THSD7B: variants seen among roughly 807,000 people sequenced by gnomAD.
THSD7B encodes thrombospondin type 1 domain containing 7B, also known as thrombospondin type-1 domain-containing protein 7B.
THSD7B carries 138 observed loss-of-function variants against 213.6 expected under a neutral mutation model. The observed-to-expected ratio is 0.65, with a 90% confidence interval of 0.56 to 0.74. The LOEUF (loss-of-function observed/expected upper bound fraction) is 0.74, where lower values mean the gene tolerates loss of function less well. THSD7B is among the 30% of genes least tolerant of loss of function. The pLI, the probability that THSD7B is intolerant of heterozygous loss-of-function variation, is 0.00. For missense variants in THSD7B, 1,931 were observed against 1,991.5 expected, an observed-to-expected ratio of 0.97 and a Z score of 0.58; for synonymous variants, 742 against 687.0, an observed-to-expected ratio of 1.08 and a Z score of -1.25.
At chr2:137,087,159 A>G (rs1171040678) in intron 3 of THSD7B, among the ~76,000 whole-genome samples, 1 of 152,222 alleles carries the variant, frequency 6.6e-6, no homozygotes, top group Non-Finnish European at 1.5e-5. Flanking sequence ...AATATGTATA[A>G]CAAAAATATT....
In THSD7B at chr2:137,301,946, G is replaced by C. The variant is rs191070462; in HGVS notation, c.2500+25920G>C. Among the ~76,000 whole-genome samples the C allele has an allele frequency of 8.0e-4, 121 of 152,190 alleles. 1 individual carries two copies. Among genetic ancestry groups the C allele is most frequent in the African/African-American group, 2.8e-3 (116 of 41,558 alleles). ...ATCCGGTTTACATGGTGGTTAAGTG[G>C]ATAAGAGACTATACTTGAAAAGACC... On this transcript the variant is annotated intron_variant, in intron 12 of 27. Coordinates refer to ENST00000409968, the MANE Select transcript of THSD7B (RefSeq NM_001316349.2).
chr2:137,333,988 T>C (rs1168024698), intron 12 of THSD7B, among the ~76,000 whole-genome samples: 1 of 152,202 alleles, frequency 6.6e-6, no homozygotes, highest in Non-Finnish European at 1.5e-5. Context: ...ATTTTTGGTC[T>C]CAGAAACCAT....
chr2:137,586,424 C>T (rs1573726853), intron 17 of THSD7B, among the ~76,000 whole-genome samples: 2 of 152,134 alleles, frequency 1.3e-5, no homozygotes, highest in South Asian at 4.1e-4. Flanking sequence ...CAATTTCTTC[C>T]TAGCATCGAT....
chr2:136,857,614 CACACACACACAA>C (rs1436247487), intron 1 of THSD7B, among the ~76,000 whole-genome samples: 2 of 135,648 alleles, frequency 1.5e-5, no homozygotes, highest in South Asian at 2.3e-4. Flanking sequence ...ACACCACATG[CACACACACACAA>C]ACACACACAC....
At chr2:136,967,752 A>G in intron 2 of THSD7B, among the ~76,000 whole-genome samples, 1 of 152,198 alleles carries the variant, frequency 6.6e-6, no homozygotes, top group South Asian at 2.1e-4. Context: ...TACCCAGAGG[A>G]AAGCACTTTC....
At chr2:137,003,364 G>A (rs1175390011) in intron 2 of THSD7B, among the ~76,000 whole-genome samples, 1 of 152,156 alleles carries the variant, frequency 6.6e-6, no homozygotes, top group East Asian at 1.9e-4. Context: ...AGGGAGAGAG[G>A]ACACAGGTTA....
intron 18 of THSD7B, among the ~76,000 whole-genome samples, chr2:137,617,351 G>T (rs753528184): frequency 6.6e-6 from 1 of 151,942 alleles, no homozygotes; most frequent in Non-Finnish European, 1.5e-5. Flanking sequence ...TATGACCAAG[G>T]GTCTTCCTTT....
chr2:137,203,019 CA>C (rs1318727512), intron 7 of THSD7B, among the ~76,000 whole-genome samples: 1 of 145,314 alleles, frequency 6.9e-6, no homozygotes, highest in Non-Finnish European at 1.5e-5. Flanking sequence ...GAGGCATGGA[CA>C]AACAGACATA....
chr2:137,027,711 C>T (rs1686581476), intron 2 of THSD7B, among the ~76,000 whole-genome samples: 1 of 152,136 alleles, frequency 6.6e-6, no homozygotes, highest in South Asian at 2.1e-4. Context: ...GACTTTTACA[C>T]CAGTGTTTGT....
At chr2:136,821,271 A>G (rs1573654141) in intron 1 of THSD7B, among the ~76,000 whole-genome samples, 2 of 152,112 alleles carry the variant, frequency 1.3e-5, no homozygotes. Flanking sequence ...TAGCTGAGGG[A>G]AAGAAGGAAA....
intron 6 of THSD7B, among the ~76,000 whole-genome samples, chr2:137,163,192 T>A (rs1680052482): frequency 2.0e-5 from 3 of 152,194 alleles, no homozygotes; most frequent in Admixed American, 6.5e-5. Flanking sequence ...ATAGTAAAAG[T>A]CAACCTGTGC....
intron 12 of THSD7B, among the ~76,000 whole-genome samples, chr2:137,395,860 A>C (rs1399003212): frequency 6.7e-6 from 1 of 148,812 alleles, no homozygotes; most frequent in East Asian, 2.1e-4. Context: ...TGGTCTATTC[A>C]GAGATTCAAC....
chr2:137,563,253 C>T lies in THSD7B; in HGVS notation c.3171C>T (p.Cys1057=), dbSNP rs1681159775. 3 of 1,613,358 alleles carry T rather than the reference C, an allele frequency of 1.9e-6. No homozygotes were observed. Among genetic ancestry groups the T allele is most frequent in the African/African-American group, 1.3e-5 (1 of 74,976 alleles). ...AGGCAGTCCCATGTTACAGTGAGTG[C>T]AATCAGTATTCCTGGGTTGTAGAAC... ...VHEAVPCYSE[C]NQYSWVVEHW... Residue 1057 remains cysteine (C), a synonymous_variant, in exon 16 of 28, where the codon TGC becomes TGT. Transcript: ENST00000409968.
At chr2:137,443,474 T>A (rs974304107) in intron 14 of THSD7B, among the ~76,000 whole-genome samples, 2 of 152,168 alleles carry the variant, frequency 1.3e-5, no homozygotes, top group Admixed American at 1.3e-4. Context: ...ACAACATATG[T>A]ACTTGATTAC....
At chr2:136,798,607 A>G (rs1682114283) in intron 1 of THSD7B, among the ~76,000 whole-genome samples, 1 of 151,946 alleles carries the variant, frequency 6.6e-6, no homozygotes, top group African/African-American at 2.4e-5. Flanking sequence ...CAGAGGTGGT[A>G]CTGTCTCAGG....
intron 4 of THSD7B, among the ~76,000 whole-genome samples, chr2:137,100,211 G>C (rs1203717087): frequency 1.3e-5 from 2 of 152,058 alleles, no homozygotes; most frequent in African/African-American, 4.8e-5. Context: ...AAATCTTGGC[G>C]TGGTTGTTCA....
chr2:137,278,139 G>C (rs953342163), intron 12 of THSD7B, among the ~76,000 whole-genome samples: 2 of 151,972 alleles, frequency 1.3e-5, no homozygotes, highest in African/African-American at 4.8e-5. Flanking sequence ...TTGAAGGATA[G>C]AGAAATGAGA....
intron 2 of THSD7B, among the ~76,000 whole-genome samples, chr2:136,994,182 G>A (rs1685837206): frequency 6.6e-6 from 1 of 152,158 alleles, no homozygotes; most frequent in African/African-American, 2.4e-5. Context: ...GACGAGGGCT[G>A]GCATAAAATA....
At chr2:137,317,538 G>A (rs896740512) in intron 12 of THSD7B, among the ~76,000 whole-genome samples, 1 of 152,116 alleles carries the variant, frequency 6.6e-6, no homozygotes, top group Non-Finnish European at 1.5e-5. Flanking sequence ...TATCTCCAGA[G>A]GAAAAAATTT....
Sources: allele counts gnomAD v4.1 joint callset (sites outside exome capture counted in the v4.1 genomes callset), GRCh38; gene constraint gnomAD v4.1.1; transcripts MANE v1.5; gene names NCBI Gene and HGNC (gene_info 2026-07-23, HGNC 2026-07-21).